ARHGAP11B: variants seen among roughly 807,000 people sequenced by gnomAD.
The protein encoded by ARHGAP11B is Rho GTPase activating protein 11B.
ARHGAP11B carries 14 observed loss-of-function variants against 27.6 expected under a neutral mutation model. The ratio of observed to expected loss-of-function variants is 0.51; its 90% CI spans 0.34 to 0.79. ARHGAP11B has a LOEUF of 0.79. Among genes scored for constraint, ARHGAP11B ranks in the 30% least tolerant of loss-of-function variants. The pLI, the probability that ARHGAP11B is intolerant of heterozygous loss-of-function variation, is 0.02. For synonymous variants in ARHGAP11B, 82 were observed against 114.1 expected (o/e 0.72, Z 1.80); for missense variants, 245 against 320.1 (o/e 0.77, Z 1.79).
exon 1 of ARHGAP11B, chr15:30,626,142 T>A (rs1410203186): frequency 6.5e-6 from 1 of 153,560 alleles, no homozygotes; most frequent in Admixed American, 6.5e-5. Context: ...GCTCCGGGTG[T>A]CTGCAGTGGA....
chr15:30,632,348 G>A (rs2060251224), intron 2 of ARHGAP11B, among the ~76,000 whole-genome samples: 1 of 147,866 alleles, frequency 6.8e-6, no homozygotes, highest in African/African-American at 2.5e-5. Flanking sequence ...TTGCGCCCAG[G>A]AGGCAAAGGT....
At position 30,638,864 on chromosome 15, in the gene ARHGAP11B, A is replaced by T. The variant is rs1459183392; in HGVS notation, c.*78+44A>T. On this transcript the variant is annotated intron_variant, in intron 7 of 10. Coordinates refer to ENST00000428041, the Ensembl canonical transcript of ARHGAP11B. ...CATTTATTTAAATTAAAATTTGTATAGTATTCTATAAAATACAATTACAAT... is the reference window on the plus strand; with the variant it reads ...CATTTATTTAAATTAAAATTTGTATTGTATTCTATAAAATACAATTACAAT... 7.8e-6 allele frequency: 8 copies of T among 1,029,118 alleles called. No individual in the cohort carries two copies. The East Asian group carries it at 9.5e-5, about 12-fold the overall frequency. 63.7% of individuals were successfully genotyped at this position (1,029,118 alleles called of 1,614,324 possible).
chr15:30,630,294 G>A, intron 1 of ARHGAP11B, among the ~76,000 whole-genome samples: 1 of 151,988 alleles, frequency 6.6e-6, no homozygotes, highest in East Asian at 1.9e-4. Context: ...GTATTTATAA[G>A]GTGACCAAAA....
intron 6 of ARHGAP11B, among the ~76,000 whole-genome samples, chr15:30,636,956 A>G (rs1387430483): frequency 6.6e-6 from 1 of 151,924 alleles, no homozygotes. Flanking sequence ...GGTCACCTTC[A>G]TAGGAACTGG....
chr15:30,629,095 T>G (rs1242702821), intron 1 of ARHGAP11B, among the ~76,000 whole-genome samples: 3 of 152,116 alleles, frequency 2.0e-5, no homozygotes, highest in Non-Finnish European at 4.4e-5. Flanking sequence ...GAATGCTTAC[T>G]GTGTGTCAGA....
At chr15:30,649,020 C>A (rs1476797981) in exon 11 of ARHGAP11B, 1 of 151,770 alleles carries the variant, frequency 6.6e-6, no homozygotes, top group East Asian at 1.9e-4. Context: ...CATGTTATAC[C>A]CTTGAATGGC....
At chr15:30,642,206 A>G (rs1223587757) in intron 7 of ARHGAP11B, among the ~76,000 whole-genome samples, 2 of 151,854 alleles carry the variant, frequency 1.3e-5, no homozygotes, top group East Asian at 3.9e-4. Context: ...TGAATTCTTT[A>G]TTAATAACTC....
intron 1 of ARHGAP11B, among the ~76,000 whole-genome samples, chr15:30,627,903 A>G (rs2060220281): frequency 6.6e-6 from 1 of 151,858 alleles, no homozygotes; most frequent in African/African-American, 2.4e-5. Context: ...AACTTTGGAG[A>G]AGTTATTTTT....
chr15:30,635,285 G>A, intron 5 of ARHGAP11B, 97 bp downstream of exon 5: 2 of 1,535,268 alleles, frequency 1.3e-6, no homozygotes, highest in Non-Finnish European at 1.8e-6. Flanking sequence ...GTTTAAATGA[G>A]GAAAATCTCT....
intron 3 of ARHGAP11B, among the ~76,000 whole-genome samples, chr15:30,633,822 A>G (rs1031725282): frequency 2.0e-5 from 3 of 151,842 alleles, no homozygotes; most frequent in African/African-American, 4.8e-5. Context: ...AGTATTATGT[A>G]AAATGAAAAA....
At chr15:30,643,357 C>A (rs1432619550) in intron 7 of ARHGAP11B, among the ~76,000 whole-genome samples, 2 of 151,106 alleles carry the variant, frequency 1.3e-5, no homozygotes, top group African/African-American at 2.4e-5. Flanking sequence ...CAGCTCACTG[C>A]AACCTCTGCC....
At chr15:30,631,722 T>G (rs1392963478) in intron 2 of ARHGAP11B, among the ~76,000 whole-genome samples, 2 of 152,214 alleles carry the variant, frequency 1.3e-5, no homozygotes, top group African/African-American at 4.8e-5. Flanking sequence ...AGAGTGTTTG[T>G]GAAAATGTAT....
At chr15:30,640,878 AC>A (rs1403289354) in intron 7 of ARHGAP11B, among the ~76,000 whole-genome samples, 16 of 151,488 alleles carry the variant, frequency 1.1e-4, no homozygotes, top group African/African-American at 3.6e-4. Flanking sequence ...GGAGACTTAA[AC>A]TTTTTTAAGT....
intron 6 of ARHGAP11B, among the ~76,000 whole-genome samples, chr15:30,637,375 T>A (rs1005037965): frequency 6.6e-6 from 1 of 152,122 alleles, no homozygotes; most frequent in African/African-American, 2.4e-5. Flanking sequence ...CTCTACCATC[T>A]ATAATCAGAC....
exon 3 of ARHGAP11B, chr15:30,633,556 A>G (rs1333720523): frequency 1.2e-6 from 2 of 1,613,300 alleles, no homozygotes; most frequent in Non-Finnish European, 1.7e-6. Flanking sequence ...TTCGGAAATC[A>G]GGATCTGTGA....
At chr15:30,635,005 G>A (rs1010358436) in intron 4 of ARHGAP11B, 75 bp from the exon 5 acceptor site, 7 of 1,508,314 alleles carry the variant, frequency 4.6e-6, no homozygotes, top group Middle Eastern at 1.7e-4. Context: ...TCTTCAAAAT[G>A]TACTACATAC....
At chr15:30,628,388 C>G (rs900363705) in intron 1 of ARHGAP11B, among the ~76,000 whole-genome samples, 1 of 151,956 alleles carries the variant, frequency 6.6e-6, no homozygotes, top group African/African-American at 2.4e-5. Context: ...TCCTTTTCAC[C>G]CCTTAACAAG....
At chr15:30,626,802 A>G (rs761560945) in exon 1 of ARHGAP11B, 4 of 1,612,882 alleles carry the variant, frequency 2.5e-6, no homozygotes, top group Non-Finnish European at 3.4e-6. Flanking sequence ...CCTGCCTCAG[A>G]GTTATCGACG....
chr15:30,626,703 C>T lies in ARHGAP11B; in HGVS notation c.-118C>T, dbSNP rs2060209697. ...GGGTCGGGGCCGCAGAAGTGCCAGA[C>T]GGGGCCGGAAAGCAGCCGAGCGGAG... On this transcript the variant is annotated 5_prime_UTR_variant, in exon 1 of 11. It adds an upstream start codon to the 5' untranslated region. Coordinates refer to ENST00000428041, the Ensembl canonical transcript of ARHGAP11B. 1 of 1,443,234 alleles carries T rather than the reference C, an allele frequency of 6.9e-7. No individual in the cohort carries two copies. The highest frequency in any genetic ancestry group is 9.2e-7 in the Non-Finnish European group (1 of 1,081,558). The allele number at this position is 1,443,234 out of a possible 1,614,324, so 89.4% of individuals were successfully genotyped here.
Sources: gnomAD v4.1 joint callset for allele counts (sites outside exome capture counted in the v4.1 genomes callset) on GRCh38, gnomAD v4.1.1 for gene constraint, MANE v1.5 for transcripts, NCBI Gene and HGNC (gene_info 2026-07-23, HGNC 2026-07-21) for gene names.